AIG1: variants seen among roughly 807,000 people sequenced by gnomAD.
AIG1 encodes androgen-induced gene 1 protein.
In AIG1, 23 loss-of-function variants were observed where a neutral mutation model predicts 31.4. The observed-to-expected ratio is 0.73, with a 90% CI of 0.53 to 1.04. The LOEUF (loss-of-function observed/expected upper bound fraction) is 1.04. AIG1 is among the 50% of genes least tolerant of loss of function. The probability of loss-of-function intolerance (pLI) is 0.00; values close to 1 mark genes in which losing one functional copy is unlikely to be tolerated. For missense variants in AIG1, 274 were observed against 295.0 expected, an observed-to-expected ratio of 0.93 and a Z score of 0.52; for synonymous variants, 100 against 110.5, an observed-to-expected ratio of 0.90 and a Z score of 0.60.
Position 143,330,249 on chromosome 6 carries a change from G to C in AIG1, c.516-3033G>C, listed in dbSNP as rs1776963941. On this transcript the variant is annotated intron_variant, in intron 4 of 5. Transcript: ENST00000357847. This position sits in a 1 kb window ranked among gnomAD's most constrained non-coding sequence, Gnocchi z 4.4. The stretch of plus-strand genomic sequence containing the variant: ...AAACAGACAAATAAAAATAAGTAGA[G>C]TATATTATTTGGCTGGGAGAAAAAA... 6.6e-6 allele frequency among the ~76,000 whole-genome samples: 1 copy of C among 152,110 alleles called. No homozygotes were observed. Among genetic ancestry groups the C allele is most frequent in the South Asian group, 2.1e-4 (1 of 4,824 alleles).
intron 1 of AIG1, among the ~76,000 whole-genome samples, chr6:143,096,916 A>G (rs887804940): frequency 6.6e-6 from 1 of 152,130 alleles, no homozygotes; most frequent in Non-Finnish European, 1.5e-5. Flanking sequence ...TCAACCTAGC[A>G]TATAATTTTA....
intron 1 of AIG1, among the ~76,000 whole-genome samples, chr6:143,085,062 C>T (rs1367332541): frequency 6.6e-6 from 1 of 152,166 alleles, no homozygotes; most frequent in East Asian, 1.9e-4. Context: ...CATGTCAGAT[C>T]AAAGTATTGT....
chr6:143,164,251 T>C (rs1351621597), intron 2 of AIG1, among the ~76,000 whole-genome samples: 3 of 152,208 alleles, frequency 2.0e-5, no homozygotes, highest in Admixed American at 6.5e-5. Context: ...CTAGGCCACA[T>C]TTTTTGACAT....
intron 3 of AIG1, among the ~76,000 whole-genome samples, chr6:143,259,192 G>T (rs1180070807): frequency 6.6e-6 from 1 of 152,180 alleles, no homozygotes; most frequent in African/African-American, 2.4e-5. Context: ...CCAGCCACCA[G>T]AATTGTGAGC....
intron 3 of AIG1, chr6:143,188,134 G>T: frequency 9.9e-7 from 1 of 1,005,172 alleles, no homozygotes; most frequent in Non-Finnish European, 1.2e-6. Flanking sequence ...CCGCAAATGA[G>T]GATGAAGTTA....
intron 2 of AIG1, among the ~76,000 whole-genome samples, chr6:143,164,275 C>T (rs1370731870): frequency 6.6e-6 from 1 of 152,130 alleles, no homozygotes; most frequent in Non-Finnish European, 1.5e-5. Flanking sequence ...CAAAAACACA[C>T]ACTTTTTCTT....
chr6:143,222,573 C>T (rs184585138), intron 3 of AIG1, among the ~76,000 whole-genome samples: 3 of 152,254 alleles, frequency 2.0e-5, no homozygotes, highest in Admixed American at 6.5e-5. Flanking sequence ...TTAGTTTTCG[C>T]AGTTGACAAA....
At chr6:143,204,323 T>G (rs1583498999) in intron 3 of AIG1, among the ~76,000 whole-genome samples, 1 of 152,122 alleles carries the variant, frequency 6.6e-6, no homozygotes, top group Non-Finnish European at 1.5e-5. Flanking sequence ...TGGCTGGAAG[T>G]CTGTGCTCAG....
chr6:143,272,895 C>T (rs1796630966), intron 3 of AIG1, among the ~76,000 whole-genome samples: 1 of 152,094 alleles, frequency 6.6e-6, no homozygotes, highest in African/African-American at 2.4e-5. Context: ...CTTTGGGAGG[C>T]CGAGGTGGGC....
chr6:143,184,465 C>A (rs889687547), intron 3 of AIG1, among the ~76,000 whole-genome samples: 1 of 152,240 alleles, frequency 6.6e-6, no homozygotes, highest in Non-Finnish European at 1.5e-5. Context: ...ACTGCTTAAG[C>A]TAACCCCTCC....
At chr6:143,082,298 A>G (rs1391255646) in intron 1 of AIG1, among the ~76,000 whole-genome samples, 5 of 152,126 alleles carry the variant, frequency 3.3e-5, no homozygotes, top group Non-Finnish European at 7.3e-5. Context: ...TCCTTTTTCT[A>G]CAAAGGAGCT....
At chr6:143,172,960 T>C (rs1316827710) in intron 3 of AIG1, among the ~76,000 whole-genome samples, 1 of 152,212 alleles carries the variant, frequency 6.6e-6, no homozygotes, top group Non-Finnish European at 1.5e-5. Flanking sequence ...CTCTCTTCTT[T>C]CTTGGTTAAT....
chr6:143,303,602 A>C (rs1024036688), intron 4 of AIG1, among the ~76,000 whole-genome samples: 2 of 151,040 alleles, frequency 1.3e-5, no homozygotes, highest in African/African-American at 2.4e-5. Flanking sequence ...TTTTGGTACC[A>C]GTACCATGCT....
At position 143,171,109 on chromosome 6, in the gene AIG1, A is replaced by G. The variant is rs115812584; in HGVS notation, c.399+5926A>G. ...TGAACATCCAGATACAGAAAGCTGA[A>G]AAATCAACAAGTAGATAAACCAAAA... On this transcript the variant is annotated intron_variant, in intron 3 of 5. Transcript: ENST00000357847. 4.0e-3 allele frequency among the ~76,000 whole-genome samples: 609 copies of G among 152,012 alleles called. 5 individuals carry two copies. Among genetic ancestry groups the G allele is most frequent in the African/African-American group, 0.014 (567 of 41,502 alleles).
chr6:143,278,016 C>G (rs1437192035), intron 3 of AIG1, among the ~76,000 whole-genome samples: 1 of 152,182 alleles, frequency 6.6e-6, no homozygotes, highest in Non-Finnish European at 1.5e-5. Context: ...TAATCCACAG[C>G]GAAGATTATT....
intron 3 of AIG1, among the ~76,000 whole-genome samples, chr6:143,251,705 G>T (rs773767745): frequency 2.0e-5 from 3 of 152,100 alleles, no homozygotes; most frequent in Non-Finnish European, 4.4e-5. Context: ...AGATGGTACT[G>T]CACTTTCAAG....
At chr6:143,115,353 T>G (rs1781646700) in intron 1 of AIG1, among the ~76,000 whole-genome samples, 1 of 152,174 alleles carries the variant, frequency 6.6e-6, no homozygotes, top group South Asian at 2.1e-4. Flanking sequence ...ACTAAGGAAA[T>G]GTAAAAGCAT....
intron 3 of AIG1, among the ~76,000 whole-genome samples, chr6:143,205,768 C>T (rs894662467): frequency 1.3e-5 from 2 of 152,158 alleles, no homozygotes; most frequent in African/African-American, 4.8e-5. Flanking sequence ...GCTATTACAA[C>T]ACTCTAGGGC....
intron 4 of AIG1, among the ~76,000 whole-genome samples, chr6:143,316,870 T>C (rs1214290706): frequency 6.6e-6 from 1 of 152,018 alleles, no homozygotes; most frequent in East Asian, 1.9e-4. Flanking sequence ...TCAAGGCCAC[T>C]ATGAATACCG....
Sources: gnomAD v4.1 joint callset for allele counts (sites outside exome capture counted in the v4.1 genomes callset) on GRCh38, gnomAD v4.1.1 for gene constraint, Gnocchi (gnomAD v3.1) non-coding constraint, MANE v1.5 for transcripts, NCBI Gene and HGNC (gene_info 2026-07-23, HGNC 2026-07-21) for gene names.